The following DNHD1 variants were observed in gnomAD, a reference collection of about 807,000 sequenced individuals.
DNHD1 encodes the protein dynein heavy chain domain-containing protein 1.
A neutral mutation model predicts 458.1 loss-of-function variants in DNHD1; 383 were observed. The observed-to-expected ratio is 0.84, with a 90% CI of 0.77 to 0.91. DNHD1 has a LOEUF of 0.91. DNHD1 is among the 40% of genes least tolerant of loss of function. DNHD1 has a pLI of 0.00. For synonymous variants in DNHD1, 2,203 were observed against 2,376.9 expected (o/e 0.93, Z 2.13); for missense variants, 5,336 against 5,866.1 (o/e 0.91, Z 2.95).
At position 6,509,052 on chromosome 11, in the gene DNHD1, A is replaced by G; in HGVS notation, c.1093A>G (p.Lys365Glu). 1.2e-6 allele frequency: 2 copies of G among 1,614,160 alleles called. No homozygotes were observed. The highest frequency in any genetic ancestry group is 1.7e-6 in the Non-Finnish European group (2 of 1,180,036). ...WQQLQFIPFFKYCLLRKSFTC... is the reference protein window; with the variant it reads ...WQQLQFIPFFEYCLLRKSFTC... ...GCAGCTCCAGTTCATTCCATTCTTT[A>G]AGTATTGCCTCTTACGCAAGTCCTT... Residue 365 changes from lysine to glutamate, a missense_variant, in exon 5 of 43, where the codon AAG becomes GAG. Around this residue, in one of 4 missense-constraint regions of DNHD1, gnomAD observed 3,932 missense variants for 4,365.6 expected, o/e 0.90. Transcript: ENST00000254579.
chr11:6,557,209 G>C lies in DNHD1; in HGVS notation c.7914G>C (p.Met2638Ile). 2 of 1,551,640 alleles carry C rather than the reference G, an allele frequency of 1.3e-6. No individual in the cohort carries two copies. Among genetic ancestry groups the C allele is most frequent in the Middle Eastern group, 1.7e-4 (1 of 5,992 alleles). Residue 2638 changes from methionine to isoleucine, a missense_variant, in exon 25 of 43, where the codon ATG (methionine) becomes ATC (isoleucine). By Grantham distance (10) the Met-to-Ile change is conservative. Transcript: ENST00000254579. ...GAGGCACTTGTCTGACCGTTATGAT[G>C]GCCACACGCAATGTGGTGCGTCTTT... ...GLRGTCLTVM[M>I]ATRNVVRLWL... is the part of the protein sequence containing the mutation.
intron 14 of DNHD1, among the ~76,000 whole-genome samples, chr11:6,534,460 T>C (rs1270572704): frequency 1.3e-5 from 2 of 152,096 alleles, no homozygotes; most frequent in East Asian, 1.9e-4. Context: ...GCTAAAAGCA[T>C]GTGTGGGAGA....
chr11:6,517,652 CTTTTTTTTTTTT>C (rs59300977), intron 7 of DNHD1, among the ~76,000 whole-genome samples: 20 of 59,050 alleles, frequency 3.4e-4, no homozygotes, highest in East Asian at 9.4e-4. Context: ...TCTAGGACTT[CTTTTTTTTTTTT>C]TTTTTTTTTT....
Position 6,548,285 on chromosome 11 carries a change from AG to A in DNHD1, c.6982del (p.Ala2328ProfsTer8), listed in dbSNP as rs1335790769. The A allele has an allele frequency of 6.4e-7, 1 of 1,551,720 alleles. No homozygotes were observed. Among genetic ancestry groups the A allele is most frequent in the Admixed American group, 2.0e-5 (1 of 51,006 alleles). ...CCAACTACCCTGAGCCACCACCCTCAGCCTTGGTGTTTGATCTACATGTAAG... is the reference window on the plus strand; with the variant it reads ...CCAACTACCCTGAGCCACCACCCTCACCTTGGTGTTTGATCTACATGTAAG... ...LSNYPEPPPS[A>X]LVFDLHVSPE... On this transcript the variant is annotated frameshift_variant, in exon 23 of 43. Coordinates refer to ENST00000254579, the MANE Select transcript of DNHD1 (RefSeq NM_144666.3). LOFTEE classifies it high-confidence loss of function. This position sits in a 1 kb window ranked among gnomAD's most constrained non-coding sequence, Gnocchi z 4.4.
At position 6,570,466 on chromosome 11, in the gene DNHD1, G is replaced by A. The variant is rs1021947812; in HGVS notation, c.13105+70G>A. On this transcript the variant is annotated intron_variant, in intron 41 of 42. Coordinates refer to ENST00000254579, the MANE Select transcript of DNHD1 (RefSeq NM_144666.3). ...ATGCAATGCCACCCCCCACAGAAAT[G>A]TGGACAGCAGTCTCAATAAAGGTAT... 4.0e-5 allele frequency: 60 copies of A among 1,513,392 alleles called. No individual in the cohort carries two copies. The African/African-American group carries it at 7.9e-4, about 20-fold the overall frequency. The allele number at this position is 1,513,392 out of a possible 1,614,324, so 93.7% of individuals were successfully genotyped here. A position where few individuals can be genotyped will look rare whatever the true frequency, so the allele number is the denominator to read the frequency against.
chr11:6,547,832 G>T lies in DNHD1; in HGVS notation c.6728-31G>T, dbSNP rs970655244. ...TCACCTTCCACCTTTTTCTACTGGG[G>T]CTCCTCTCGTGGCCATGGCAACTTT... is the stretch of plus-strand genomic sequence containing the variant. On this transcript the variant is annotated intron_variant, in intron 21 of 42. Coordinates refer to ENST00000254579, the MANE Select transcript of DNHD1 (RefSeq NM_144666.3). 4.5e-6 allele frequency: 7 copies of T among 1,549,102 alleles called. No individual in the cohort carries two copies. In the African/African-American group the frequency reaches 9.6e-5, roughly 21 times the overall value.
chr11:6,522,703 C>G (rs921236706), intron 10 of DNHD1, among the ~76,000 whole-genome samples: 1 of 152,076 alleles, frequency 6.6e-6, no homozygotes, highest in Admixed American at 6.5e-5. Flanking sequence ...AAACATACAT[C>G]CAACTGAGAA....
intron 4 of DNHD1, 62 bp from the exon 5 acceptor site, chr11:6,508,818 T>C: frequency 1.3e-6 from 2 of 1,533,012 alleles, no homozygotes; most frequent in African/African-American, 1.4e-5. Flanking sequence ...TATCCTCCTT[T>C]GGTCTCTTAA....
chr11:6,499,599 A>C (rs1219240455), intron 3 of DNHD1, among the ~76,000 whole-genome samples: 1 of 150,036 alleles, frequency 6.7e-6, no homozygotes, highest in Non-Finnish European at 1.5e-5. Flanking sequence ...ATAGAGTCTC[A>C]CTCTGTCGCC....
In DNHD1 at chr11:6,567,468, T is replaced by G; in HGVS notation, c.11959T>G (p.Trp3987Gly). 1 of 1,612,934 alleles carries G rather than the reference T, an allele frequency of 6.2e-7. No homozygotes were observed. The highest frequency in any genetic ancestry group is 1.1e-5 in the South Asian group (1 of 90,878). ...ARPAWLGPKA[W>G]HECEMLELLP... is the part of the protein sequence containing the mutation. ...ACCGGCCTGGCTTGGGCCAAAAGCC[T>G]GGCATGAATGTGAGATGTTAGAGCT... Residue 3987 changes from tryptophan to glycine, a missense_variant, in exon 36 of 43, where the codon TGG becomes GGG. This residue lies in a region of DNHD1 where 695 missense variants were observed against 804.2 expected (regional missense o/e 0.86). Coordinates refer to ENST00000254579, the MANE Select transcript of DNHD1 (RefSeq NM_144666.3).
intron 40 of DNHD1, 58 bp downstream of exon 40, chr11:6,570,158 G>A (rs1047943276): frequency 6.2e-7 from 1 of 1,613,502 alleles, no homozygotes; most frequent in East Asian, 2.2e-5. Context: ...CTGGAAGAGG[G>A]TGGGGGTGGG....
At chr11:6,553,560 T>A (rs1306106011) in intron 24 of DNHD1, among the ~76,000 whole-genome samples, 1 of 152,180 alleles carries the variant, frequency 6.6e-6, no homozygotes, top group Non-Finnish European at 1.5e-5. Context: ...TGTATTGGCA[T>A]GTAATATGAT....
Position 6,567,268 on chromosome 11 carries a change from G to A in DNHD1, c.11759G>A (p.Gly3920Asp), listed in dbSNP as rs1272809022. The part of the protein sequence containing the change: ...LRAHLTRQLL[G>D]STVTALGLTQ... ...GCACACCTGACCCGCCAGCTGCTGGGCAGCACCGTGACTGCACTGGGCCTT... is the reference window on the plus strand; with the variant it reads ...GCACACCTGACCCGCCAGCTGCTGGACAGCACCGTGACTGCACTGGGCCTT... Residue 3920 changes from glycine (G) to aspartate (D), a missense_variant, in exon 36 of 43, where the codon GGC (glycine) becomes GAC (aspartate). Coordinates refer to ENST00000254579, the MANE Select transcript of DNHD1 (RefSeq NM_144666.3). The A allele has an allele frequency of 6.2e-7, 1 of 1,614,030 alleles. No individual in the cohort carries two copies.
chr11:6,563,811 C>A lies in DNHD1; in HGVS notation c.9971C>A (p.Ala3324Asp). 6.4e-7 allele frequency: 1 copy of A among 1,551,554 alleles called. No individual in the cohort carries two copies. Among genetic ancestry groups the A allele is most frequent in the East Asian group, 2.4e-5 (1 of 40,936 alleles). Reference sequence around the variant, plus strand: ...CTGCGGGCAGTGAGCCGACCTGCAGCCAGCCTGGCAGCCTGGCTCTGGGCT... The same window carrying A: ...CTGCGGGCAGTGAGCCGACCTGCAGACAGCCTGGCAGCCTGGCTCTGGGCT... ...AALRAVSRPAASLAAWLWAVL... is the reference protein window; with the variant it reads ...AALRAVSRPADSLAAWLWAVL... Residue 3324 changes from alanine to aspartate, a missense_variant, in exon 31 of 43, where the codon GCC becomes GAC. Physicochemically the swap from Ala to Asp is moderately radical, Grantham distance 126. This residue lies in a region of DNHD1 where 3,932 missense variants were observed against 4,365.6 expected (regional missense o/e 0.90). Coordinates refer to ENST00000254579, the MANE Select transcript of DNHD1 (RefSeq NM_144666.3).
rs533686917 is a variant in DNHD1, at chr11:6,505,783, C to T, written c.920+2857C>T. On this transcript the variant is annotated intron_variant, in intron 4 of 42. Transcript: ENST00000254579. This position sits in a 1 kb window ranked among gnomAD's most constrained non-coding sequence, Gnocchi z 4.4. ...AATAGGATACTAGTAATCCATGACACACAGTGGCATCACAATTAATTAAAT... is the reference window on the plus strand; with the variant it reads ...AATAGGATACTAGTAATCCATGACATACAGTGGCATCACAATTAATTAAAT... 2.6e-5 allele frequency among the ~76,000 whole-genome samples: 4 copies of T among 152,268 alleles called. No individual in the cohort carries two copies. In the East Asian group the frequency reaches 7.7e-4, roughly 29 times the overall value.
chr11:6,546,060 G>A lies in DNHD1; in HGVS notation c.5121G>A (p.Gln1707=), dbSNP rs2134429638. Residue 1707 remains glutamine, a synonymous_variant, in exon 21 of 43, where the codon CAG becomes CAA. Transcript: ENST00000254579. ...GCCTGGCACAGGCCCTGGGCCGCCAGCTGGTGATGCTACCCTGCTCACCTC... is the reference window on the plus strand; with the variant it reads ...GCCTGGCACAGGCCCTGGGCCGCCAACTGGTGATGCTACCCTGCTCACCTC... ...VNSLAQALGR[Q]LVMLPCSPQI... 1 of 1,551,354 alleles carries A rather than the reference G, an allele frequency of 6.4e-7. No homozygotes were observed. Among genetic ancestry groups the A allele is most frequent in the Non-Finnish European group, 8.7e-7 (1 of 1,146,686 alleles).
At chr11:6,537,399 G>A (rs892413873) in intron 14 of DNHD1, among the ~76,000 whole-genome samples, 6 of 152,174 alleles carry the variant, frequency 3.9e-5, no homozygotes. Context: ...AGAGACTGCT[G>A]TGTACACTAG....
rs1852889599 is a variant in DNHD1 at position 6,534,122 on chromosome 11, AAC to A, written c.2951_2952del (p.Thr984SerfsTer6). Reference protein sequence around the residue: ...QLVSLERQFQNTVSDLSELHH... With the variant: ...QLVSLERQFQXTVSDLSELHH... ...CGTCTCCCTAGAGCGTCAGTTCCAG[AAC>A]ACAGTCAGCGACCTCAGTGAACTGC... On this transcript the variant is annotated frameshift_variant, in exon 14 of 43. Transcript: ENST00000254579. 5.8e-6 allele frequency: 9 copies of A among 1,551,328 alleles called. No homozygotes were observed. The highest frequency in any genetic ancestry group is 7.8e-6 in the Non-Finnish European group (9 of 1,146,966).
At chr11:6,562,252 C>G (rs574903418) in intron 28 of DNHD1, among the ~76,000 whole-genome samples, 3 of 152,270 alleles carry the variant, frequency 2.0e-5, no homozygotes, top group African/African-American at 7.2e-5. Flanking sequence ...ATCTTGCCAC[C>G]ATTCTCTGAG....
Sources: allele counts gnomAD v4.1 joint callset (sites outside exome capture counted in the v4.1 genomes callset), GRCh38; gene constraint gnomAD v4.1.1; regional missense constraint gnomAD v4.1.1; non-coding constraint Gnocchi (gnomAD v3.1); transcripts MANE v1.5; gene names NCBI Gene and HGNC (gene_info 2026-07-23, HGNC 2026-07-21).